OPCML: variants seen among roughly 807,000 people sequenced by gnomAD.
OPCML encodes opioid-binding protein/cell adhesion molecule.
OPCML carries 13 observed loss-of-function variants against 37.8 expected under a neutral mutation model. The ratio of observed to expected loss-of-function variants is 0.34; its 90% CI spans 0.22 to 0.55. The LOEUF (loss-of-function observed/expected upper bound fraction) is 0.55, where lower values mean the gene tolerates loss of function less well. Ranked by LOEUF, OPCML falls within the 20% of genes least tolerant of loss-of-function variation. The pLI is 0.91. For missense variants in OPCML, 341 were observed against 435.6 expected, an observed-to-expected ratio of 0.78 and a Z score of 1.93; for synonymous variants, 176 against 168.8, an observed-to-expected ratio of 1.04 and a Z score of -0.33.
intron 3 of OPCML, among the ~76,000 whole-genome samples, chr11:132,619,398 AG>A (rs1483497183): frequency 7.9e-5 from 12 of 152,218 alleles, no homozygotes; most frequent in Non-Finnish European, 1.2e-4. Context: ...TTTTATTTCT[AG>A]TACCAAACAC....
chr11:132,673,487 A>T (rs576706548), intron 2 of OPCML, among the ~76,000 whole-genome samples: 1 of 152,148 alleles, frequency 6.6e-6, no homozygotes, highest in African/African-American at 2.4e-5. Flanking sequence ...ATTGTTTTCA[A>T]TGCTGTCACT....
intron 1 of OPCML, among the ~76,000 whole-genome samples, chr11:132,960,758 C>A (rs1366321301): frequency 1.3e-5 from 2 of 152,316 alleles, no homozygotes; most frequent in South Asian, 2.1e-4. Flanking sequence ...TGGCAATGTG[C>A]GCATTTCATT....
intron 1 of OPCML, among the ~76,000 whole-genome samples, chr11:133,340,508 C>CGT (rs3220249): frequency 6.6e-6 from 1 of 151,772 alleles, no homozygotes; most frequent in South Asian, 2.1e-4. Flanking sequence ...AAATTAACAC[C>CGT]GTGTGTGTGT....
At position 132,583,406 on chromosome 11, in the gene OPCML, C is replaced by A. The variant is rs1026723198; in HGVS notation, c.380-54220G>T. On this transcript the variant is annotated intron_variant, in intron 3 of 7. Transcript: ENST00000524381. ...CTCGAACTTTTGGCTTCAAGTGATCCTCTCATCTCAGCCTCCTGAGAAACC... is the reference window on the plus strand; with the variant it reads ...CTCGAACTTTTGGCTTCAAGTGATCATCTCATCTCAGCCTCCTGAGAAACC... Among the ~76,000 whole-genome samples the A allele has an allele frequency of 2.6e-5, 4 of 152,184 alleles. No homozygotes were observed. The South Asian group carries it at 8.3e-4, about 32-fold the overall frequency.
intron 2 of OPCML, among the ~76,000 whole-genome samples, chr11:132,836,980 T>C (rs1215205834): frequency 6.6e-6 from 1 of 152,046 alleles, no homozygotes. Flanking sequence ...AGAGGGAAAG[T>C]GCGTGAGACC....
chr11:132,645,507 T>C (rs1034159410), intron 3 of OPCML, among the ~76,000 whole-genome samples: 1 of 152,232 alleles, frequency 6.6e-6, no homozygotes, highest in Non-Finnish European at 1.5e-5. Flanking sequence ...CCAATTCAGA[T>C]TGCTATCCCT....
chr11:133,275,477 A>G (rs927262242), intron 1 of OPCML, among the ~76,000 whole-genome samples: 3 of 152,138 alleles, frequency 2.0e-5, no homozygotes, highest in East Asian at 3.9e-4. Flanking sequence ...TGTTCTCCCA[A>G]TTGTTTTCAT....
intron 3 of OPCML, among the ~76,000 whole-genome samples, chr11:132,585,265 C>T (rs4465375): frequency 0.73 from 110,830 of 151,810 alleles, 40,898 homozygotes; most frequent in East Asian, 0.87. Flanking sequence ...GAGGGTTTTG[C>T]AAGATGGGAG....
Position 133,499,873 on chromosome 11 carries a change from TA to T in OPCML, c.61+32390del, listed in dbSNP as rs1319208880. Among the ~76,000 whole-genome samples, 702 of 114,772 alleles carry T rather than the reference TA, an allele frequency of 6.1e-3. 10 individuals carry two copies. The highest frequency in any genetic ancestry group is 0.023 in the African/African-American group (577 of 25,024). The allele number at this position is 114,772 out of a possible 152,430, so 75.3% of individuals were successfully genotyped here. On this transcript the variant is annotated intron_variant, in intron 1 of 7. Coordinates refer to ENST00000524381, the MANE Select transcript of OPCML (RefSeq NM_001012393.5). ...ATATACATACACATATATATATATA[TA>T]TTTTTTTTTTTTTTTGAAAGGGAGT...
chr11:133,363,757 T>C (rs190701413), intron 1 of OPCML, among the ~76,000 whole-genome samples: 74 of 152,216 alleles, frequency 4.9e-4, no homozygotes, highest in African/African-American at 1.7e-3. Context: ...CAAAGGTCAG[T>C]GGGGCTCTGG....
At chr11:133,068,670 G>A (rs1177304430) in intron 1 of OPCML, among the ~76,000 whole-genome samples, 1 of 152,194 alleles carries the variant, frequency 6.6e-6, no homozygotes. Context: ...GAAAACTCTA[G>A]GTCCTTGACA....
intron 1 of OPCML, among the ~76,000 whole-genome samples, chr11:133,150,023 T>A (rs1949955266): frequency 6.6e-6 from 1 of 152,174 alleles, no homozygotes. Flanking sequence ...CCAGCCAGCA[T>A]CCCTTGATTA....
intron 7 of OPCML, among the ~76,000 whole-genome samples, chr11:132,431,358 A>G (rs1213899160): frequency 6.6e-6 from 1 of 152,258 alleles, no homozygotes; most frequent in Non-Finnish European, 1.5e-5. Context: ...TATCAGAGTC[A>G]GGACTGGAAC....
intron 1 of OPCML, among the ~76,000 whole-genome samples, chr11:133,025,726 A>ATTTTTTTTTTTTTTTTTTTTTTTT (rs869296316): frequency 1.1e-5 from 1 of 91,342 alleles, no homozygotes. Context: ...TGCCGATTTG[A>ATTTTTTTTTTTTTTTTTTTTTTTT]TTTTTTTTTT....
chr11:132,841,346 G>A (rs533507072), intron 2 of OPCML, among the ~76,000 whole-genome samples: 91 of 152,248 alleles, frequency 6.0e-4, no homozygotes, highest in African/African-American at 2.1e-3. Context: ...GAAAGACAAA[G>A]TCTAATTGAG....
intron 1 of OPCML, among the ~76,000 whole-genome samples, chr11:133,451,846 A>G (rs1384532262): frequency 1.3e-5 from 2 of 151,314 alleles, no homozygotes; most frequent in African/African-American, 2.5e-5. Context: ...CCAACTAGAA[A>G]AAAAAAATCG....
intron 1 of OPCML, among the ~76,000 whole-genome samples, chr11:133,315,669 G>A (rs546751825): frequency 2.0e-5 from 3 of 152,250 alleles, no homozygotes; most frequent in South Asian, 2.1e-4. Context: ...ATAGTGGCAC[G>A]TGCTTGTAGT....
rs1401445716 is a variant in OPCML, at chr11:133,487,460, GAGA to G, written c.61+44801_61+44803del. Among the ~76,000 whole-genome samples, 5 of 152,274 alleles carry G rather than the reference GAGA, an allele frequency of 3.3e-5. No homozygotes were observed. The East Asian group carries it at 5.8e-4, about 18-fold the overall frequency. Reference sequence around the variant, plus strand: ...TCTCAGCTAAAACATAACTGTCTCTGAGAAGATTTCCTGAATATACCATCCAAA... The same window carrying G: ...TCTCAGCTAAAACATAACTGTCTCTGAGATTTCCTGAATATACCATCCAAA... On this transcript the variant is annotated intron_variant, in intron 1 of 7. Coordinates refer to ENST00000524381, the MANE Select transcript of OPCML (RefSeq NM_001012393.5).
At chr11:133,516,046 C>A (rs1948263209) in intron 1 of OPCML, among the ~76,000 whole-genome samples, 1 of 152,038 alleles carries the variant, frequency 6.6e-6, no homozygotes. Flanking sequence ...AAGGACAGGT[C>A]TACGTGTGCA....
Sources: allele counts gnomAD v4.1 joint callset (sites outside exome capture counted in the v4.1 genomes callset), GRCh38; gene constraint gnomAD v4.1.1; transcripts MANE v1.5; gene names NCBI Gene and HGNC (gene_info 2026-07-23, HGNC 2026-07-21).